The following GATAD2A variants were observed in gnomAD, a reference collection of about 807,000 sequenced individuals.
The protein encoded by GATAD2A is transcriptional repressor p66-alpha.
GATAD2A carries 12 observed loss-of-function variants against 68.5 expected under a neutral mutation model. That is an observed-to-expected ratio of 0.18 (90% CI 0.11 to 0.28). The LOEUF is 0.28. Among genes scored for constraint, GATAD2A ranks in the 10% least tolerant of loss-of-function variants. The probability of loss-of-function intolerance (pLI) is 1.00; values close to 1 mark genes in which losing one functional copy is unlikely to be tolerated. For missense variants in GATAD2A, 755 were observed against 868.5 expected, an observed-to-expected ratio of 0.87 and a Z score of 1.64; for synonymous variants, 410 against 375.3, an observed-to-expected ratio of 1.09 and a Z score of -1.07.
At chr19:19,434,825 C>A (rs1007849935) in intron 1 of GATAD2A, among the ~76,000 whole-genome samples, 1 of 152,206 alleles carries the variant, frequency 6.6e-6, no homozygotes, top group African/African-American at 2.4e-5. Context: ...CAGCCTCTTT[C>A]TCTCTGGACA....
At chr19:19,500,741 C>A (rs3794993) in intron 8 of GATAD2A, among the ~76,000 whole-genome samples, 65,518 of 152,098 alleles carry the variant, frequency 0.43, 15,503 homozygotes, top group African/African-American at 0.62. Context: ...CAGGACATGG[C>A]GCATTTGGGG....
chr19:19,494,305 T>A lies in GATAD2A; in HGVS notation c.546T>A (p.Ser182=). ...CTGCTCTCTTGCAGCCCACAGGTTCTGTTGGGAGCACCGTGACCACCCCTC... is the reference window on the plus strand; with the variant it reads ...CTGCTCTCTTGCAGCCCACAGGTTCAGTTGGGAGCACCGTGACCACCCCTC... ...KEATAQKPTG[S]VGSTVTTPPP... The change falls in exon 5 of 12, where the codon TCT becomes TCA. Residue 182 remains serine (S), a synonymous_variant. Coordinates refer to ENST00000683918, the MANE Select transcript of GATAD2A (RefSeq NM_001384528.1). 2 of 1,608,056 alleles carry A rather than the reference T, an allele frequency of 1.2e-6. No homozygotes were observed. The highest frequency in any genetic ancestry group is 1.3e-5 in the African/African-American group (1 of 74,940).
chr19:19,413,782 G>T (rs554902495), intron 1 of GATAD2A, among the ~76,000 whole-genome samples: 1 of 151,976 alleles, frequency 6.6e-6, no homozygotes, highest in African/African-American at 2.4e-5. Flanking sequence ...ATGGGGTTTC[G>T]TCATGTTGGT....
At chr19:19,500,480 C>T (rs1268481562) in intron 8 of GATAD2A, among the ~76,000 whole-genome samples, 1 of 152,132 alleles carries the variant, frequency 6.6e-6, no homozygotes, top group East Asian at 1.9e-4. Flanking sequence ...CAAATACGCC[C>T]AGACCTCACG....
intron 1 of GATAD2A, among the ~76,000 whole-genome samples, chr19:19,449,594 C>CAA (rs10532588): frequency 0.017 from 2,414 of 141,016 alleles, 72 homozygotes; most frequent in African/African-American, 0.059. Flanking sequence ...TTAAATGTAT[C>CAA]AAAAAAAAAA....
In GATAD2A at chr19:19,457,536, C is replaced by T. The variant is rs537503815; in HGVS notation, c.-6-7804C>T. On this transcript the variant is annotated intron_variant, in intron 1 of 11. Coordinates refer to ENST00000683918, the MANE Select transcript of GATAD2A (RefSeq NM_001384528.1). ...CGGGCGGATCACGAGGTCAGGAGAT[C>T]GAGACCATCCTGGCTAACACGGTGA... is the stretch of plus-strand genomic sequence containing the variant. Among the ~76,000 whole-genome samples, 319 of 152,148 alleles carry T rather than the reference C, an allele frequency of 2.1e-3. 1 individual carries two copies. Among genetic ancestry groups the T allele is most frequent in the African/African-American group, 7.4e-3 (306 of 41,510 alleles).
chr19:19,435,568 G>A (rs946534324), intron 1 of GATAD2A, among the ~76,000 whole-genome samples: 3 of 152,154 alleles, frequency 2.0e-5, no homozygotes, highest in African/African-American at 7.2e-5. Context: ...AAAAACCCTG[G>A]GCTGGGCACG....
intron 1 of GATAD2A, among the ~76,000 whole-genome samples, chr19:19,454,117 C>G (rs1299712853): frequency 3.9e-5 from 6 of 152,008 alleles, no homozygotes; most frequent in Admixed American, 3.9e-4. Flanking sequence ...CCTGCCTCAG[C>G]CCCTGGAGTA....
chr19:19,390,081 C>T (rs1382274147), intron 1 of GATAD2A, among the ~76,000 whole-genome samples: 1 of 152,110 alleles, frequency 6.6e-6, no homozygotes, highest in Non-Finnish European at 1.5e-5. Flanking sequence ...TTAAATAAAA[C>T]CTATAGGACC....
intron 1 of GATAD2A, among the ~76,000 whole-genome samples, chr19:19,432,742 G>A (rs1450983673): frequency 6.6e-6 from 1 of 152,214 alleles, no homozygotes; most frequent in African/African-American, 2.4e-5. Context: ...TTGGAGGCAC[G>A]GCCAGGAGGC....
chr19:19,502,177 C>G, intron 10 of GATAD2A, 134 bp downstream of exon 10: 1 of 861,704 alleles, frequency 1.2e-6, no homozygotes, highest in Non-Finnish European at 1.8e-6. Context: ...TCCCCCACCC[C>G]TCTGTGTAAC....
At chr19:19,474,526 G>A (rs2058537774) in intron 2 of GATAD2A, among the ~76,000 whole-genome samples, 1 of 152,138 alleles carries the variant, frequency 6.6e-6, no homozygotes, top group African/African-American at 2.4e-5. Context: ...TGAGTGTTTT[G>A]GGATTTGCCC....
intron 2 of GATAD2A, among the ~76,000 whole-genome samples, chr19:19,489,876 C>T (rs1043521529): frequency 6.6e-6 from 1 of 152,222 alleles, no homozygotes; most frequent in Non-Finnish European, 1.5e-5. Flanking sequence ...AGGCCAGCTG[C>T]TGCACCTCTG....
intron 1 of GATAD2A, among the ~76,000 whole-genome samples, chr19:19,430,211 G>C (rs1600101759): frequency 6.6e-6 from 1 of 152,188 alleles, no homozygotes; most frequent in East Asian, 1.9e-4. Context: ...CCCCAGACTG[G>C]AAAACTGGAT....
At chr19:19,452,249 C>T (rs1410578403) in intron 1 of GATAD2A, among the ~76,000 whole-genome samples, 1 of 152,192 alleles carries the variant, frequency 6.6e-6, no homozygotes, top group Non-Finnish European at 1.5e-5. Context: ...TTCCTTGTCC[C>T]CTTCCCAGTC....
At chr19:19,443,028 G>A (rs937148078) in intron 1 of GATAD2A, among the ~76,000 whole-genome samples, 6 of 152,262 alleles carry the variant, frequency 3.9e-5, no homozygotes, top group Middle Eastern at 3.4e-3. Flanking sequence ...GCTCTACACC[G>A]TCTGCCCTGC....
At chr19:19,445,218 C>T (rs1468072633) in intron 1 of GATAD2A, among the ~76,000 whole-genome samples, 1 of 152,022 alleles carries the variant, frequency 6.6e-6, no homozygotes, top group African/African-American at 2.4e-5. Flanking sequence ...TGGCTGATGG[C>T]AGTGTGGTTG....
At chr19:19,409,452 A>G (rs973192914) in intron 1 of GATAD2A, among the ~76,000 whole-genome samples, 8 of 152,088 alleles carry the variant, frequency 5.3e-5, no homozygotes, top group Non-Finnish European at 8.8e-5. Context: ...CAAGTTGGCA[A>G]TGTCATAGTT....
chr19:19,494,203 C>T, intron 4 of GATAD2A, 91 bp from the exon 5 acceptor site: 1 of 673,040 alleles, frequency 1.5e-6, no homozygotes, highest in Non-Finnish European at 2.6e-6. Flanking sequence ...ACAGTCAGTC[C>T]TCTTCGGCAG....
Sources: allele counts gnomAD v4.1 joint callset (sites outside exome capture counted in the v4.1 genomes callset), GRCh38; gene constraint gnomAD v4.1.1; transcripts MANE v1.5; gene names NCBI Gene and HGNC (gene_info 2026-07-23, HGNC 2026-07-21).